The following GABRA5 variants were observed in gnomAD, a reference collection of about 807,000 sequenced individuals.
GABRA5 encodes gamma-aminobutyric acid type A receptor subunit alpha5, also known as gamma-aminobutyric acid receptor subunit alpha-5.
A neutral mutation model predicts 47.3 loss-of-function variants in GABRA5; 18 were observed. The observed-to-expected ratio is 0.38, with a 90% confidence interval of 0.26 to 0.56. The LOEUF is 0.56. Ranked by LOEUF, GABRA5 falls within the 20% of genes least tolerant of loss-of-function variation. The probability of loss-of-function intolerance (pLI) is 0.71; values close to 1 mark genes in which losing one functional copy is unlikely to be tolerated. For missense variants in GABRA5, 365 were observed against 599.3 expected (o/e 0.61, Z 4.08); for synonymous variants, 237 against 229.3 (o/e 1.03, Z -0.30).
intron 7 of GABRA5, among the ~76,000 whole-genome samples, chr15:26,922,456 T>G (rs1452992128): frequency 6.6e-6 from 1 of 152,158 alleles, no homozygotes; most frequent in African/African-American, 2.4e-5. Flanking sequence ...CCTCTATATA[T>G]CATTAGATAA....
intron 9 of GABRA5, 29 bp downstream of exon 9, chr15:26,940,106 C>T: frequency 6.3e-7 from 1 of 1,588,496 alleles, no homozygotes; most frequent in Non-Finnish European, 8.6e-7. Context: ...GGCCTGGACA[C>T]TGGTGTTTTG....
At position 26,935,292 on chromosome 15, in the gene GABRA5, T is replaced by TG. The variant is rs537728136; in HGVS notation, c.581-1892dup. ...GGTCATTTAATATTCACTAGTAGTT[T>TG]GAAAAACAAGATCACGTGAATTATG... On this transcript the variant is annotated intron_variant, in intron 7 of 10. Transcript: ENST00000335625. Among the ~76,000 whole-genome samples the TG allele has an allele frequency of 1.3e-3, 193 of 152,370 alleles. 1 individual carries two copies. Among genetic ancestry groups the TG allele is most frequent in the African/African-American group, 4.0e-3 (168 of 41,590 alleles).
At chr15:26,930,699 G>C (rs1894080417) in intron 7 of GABRA5, among the ~76,000 whole-genome samples, 1 of 152,036 alleles carries the variant, frequency 6.6e-6, no homozygotes, top group African/African-American at 2.4e-5. Context: ...GCCCTCACCA[G>C]AGTTGCTTTA....
chr15:26,938,511 C>T (rs1312392372), intron 8 of GABRA5, among the ~76,000 whole-genome samples: 3 of 152,126 alleles, frequency 2.0e-5, no homozygotes, highest in East Asian at 1.9e-4. Flanking sequence ...AAAAATAAAA[C>T]AAAATGAAAA....
At position 26,883,056 on chromosome 15, in the gene GABRA5, A is replaced by G; in HGVS notation, c.209-110A>G. On this transcript the variant is annotated intron_variant, in intron 4 of 10. Coordinates refer to ENST00000335625, the MANE Select transcript of GABRA5 (RefSeq NM_000810.4). This position sits in a 1 kb window ranked among gnomAD's most constrained non-coding sequence, Gnocchi z 4.8. Reference sequence around the variant, plus strand: ...CTCCAAATTTACCAAACGCACTGCAAAAGCCCCCGGTTGCAGAGGGTGACC... The same window carrying G: ...CTCCAAATTTACCAAACGCACTGCAGAAGCCCCCGGTTGCAGAGGGTGACC... 1 of 866,920 alleles carries G rather than the reference A, an allele frequency of 1.2e-6. No homozygotes were observed. The highest frequency in any genetic ancestry group is 2.0e-6 in the Non-Finnish European group (1 of 503,992). The allele number at this position is 866,920 out of a possible 1,614,324, so 53.7% of individuals were successfully genotyped here. A position where few individuals can be genotyped will look rare whatever the true frequency, so the allele number is the denominator to read the frequency against.
chr15:26,937,423 G>C lies in GABRA5; in HGVS notation c.724+95G>C, dbSNP rs569072408. 1.7e-5 allele frequency: 22 copies of C among 1,324,744 alleles called. No homozygotes were observed. The South Asian group carries it at 3.3e-4, about 20-fold the overall frequency. 82.1% of individuals were successfully genotyped at this position (1,324,744 alleles called of 1,614,324 possible). On this transcript the variant is annotated intron_variant, in intron 8 of 10. Coordinates refer to ENST00000335625, the MANE Select transcript of GABRA5 (RefSeq NM_000810.4). ...CCCAGCACCTCTCTGCAGGGGCCAC[G>C]TGGGAGGCCGCACAGCAGCCTCCCA...
In GABRA5 at chr15:26,937,338, C is replaced by T. The variant is rs767116452; in HGVS notation, c.724+10C>T. On this transcript the variant is annotated intron_variant, in intron 8 of 10. Transcript: ENST00000335625. Reference sequence around the variant, plus strand: ...ATCAGCACCAGCACAGGTGAGGGCTCGGCACGCGCTGTGCTGCCAGGCGCA... The same window carrying T: ...ATCAGCACCAGCACAGGTGAGGGCTTGGCACGCGCTGTGCTGCCAGGCGCA... 20 of 1,598,198 alleles carry T rather than the reference C, an allele frequency of 1.3e-5. No homozygotes were observed. The highest frequency in any genetic ancestry group is 4.5e-5 in the East Asian group (2 of 44,698).
Position 26,883,689 on chromosome 15 carries a change from G to A in GABRA5, c.497+132G>A. The A allele has an allele frequency of 1.4e-6, 1 of 728,476 alleles. No homozygotes were observed. Among genetic ancestry groups the A allele is most frequent in the Non-Finnish European group, 2.1e-6 (1 of 468,280 alleles). The allele number at this position is 728,476 out of a possible 1,614,324, so 45.1% of individuals were successfully genotyped here. On this transcript the variant is annotated intron_variant, in intron 6 of 10. Transcript: ENST00000335625. The surrounding 1 kb of genome is among the most constrained non-coding windows in gnomAD (Gnocchi z 4.8). The stretch of plus-strand genomic sequence containing the variant: ...TGAGACTGCGGCGCGTGTGTGCTGG[G>A]GGTTCCCCGTTGCCATCTGCCCACA...
rs1181506295 is a variant in GABRA5, at chr15:26,869,331, T to C, written c.83T>C (p.Phe28Ser). Residue 28 changes from phenylalanine to serine, a missense_variant, in exon 3 of 11, where the codon TTT (phenylalanine) becomes TCT (serine). Physicochemically the swap from Phe to Ser is radical, Grantham distance 155. Around this residue, in one of 3 missense-constraint regions of GABRA5, gnomAD observed 216 missense variants for 335.3 expected, o/e 0.64. Coordinates refer to ENST00000335625, the MANE Select transcript of GABRA5 (RefSeq NM_000810.4). ...FCISMNLSSHFGFSQMPTSSV... is the reference protein window; with the variant it reads ...FCISMNLSSHSGFSQMPTSSV... ...ATTTCCATGAACTTATCCAGTCACT[T>C]TGGGTAAGTTACCATCTGTGCTTTT... is the stretch of plus-strand genomic sequence containing the variant. The C allele has an allele frequency of 1.3e-6, 2 of 1,580,966 alleles. No homozygotes were observed. The highest frequency in any genetic ancestry group is 1.7e-5 in the Admixed American group (1 of 59,996).
At chr15:26,919,149 C>CAA (rs112662410) in intron 7 of GABRA5, among the ~76,000 whole-genome samples, 3 of 151,364 alleles carry the variant, frequency 2.0e-5, no homozygotes, top group East Asian at 1.9e-4. Context: ...TCTCAAGAAA[C>CAA]AAAACACACA....
At chr15:26,939,845 G>A in intron 8 of GABRA5, 80 bp from the exon 9 acceptor site, 1 of 1,451,922 alleles carries the variant, frequency 6.9e-7, no homozygotes, top group Non-Finnish European at 9.6e-7. Flanking sequence ...GGGAGTGGAA[G>A]GGAGGCTCCT....
At chr15:26,912,640 A>G (rs1893624227) in intron 6 of GABRA5, among the ~76,000 whole-genome samples, 2 of 152,232 alleles carry the variant, frequency 1.3e-5, no homozygotes, top group African/African-American at 4.8e-5. Flanking sequence ...ACACACGTAC[A>G]CATGGATGCT....
Position 26,883,576 on chromosome 15 carries a change from C to CGGGGGG in GABRA5, c.497+22_497+23insGGGGGG. Reference sequence around the variant, plus strand: ...CCATGCGGTGAGCGCCGGGCGGGGGCGGGCGGGGCCGGGGGACGGTGCGGG... The same window carrying CGGGGGG: ...CCATGCGGTGAGCGCCGGGCGGGGGCGGGGGGGGGCGGGGCCGGGGGACGGTGCGGG... On this transcript the variant is annotated intron_variant, in intron 6 of 10. Transcript: ENST00000335625. The surrounding 1 kb of genome is among the most constrained non-coding windows in gnomAD (Gnocchi z 4.8). 2 of 495,474 alleles carry CGGGGGG rather than the reference C, an allele frequency of 4.0e-6. No homozygotes were observed. Among genetic ancestry groups the CGGGGGG allele is most frequent in the Non-Finnish European group, 7.5e-6 (2 of 266,052 alleles). The allele number at this position is 495,474 out of a possible 1,614,324, so 30.7% of individuals were successfully genotyped here.
Position 26,943,295 on chromosome 15 carries a change from A to T in GABRA5, c.958A>T (p.Met320Leu). 1 of 1,580,228 alleles carries T rather than the reference A, an allele frequency of 6.3e-7. No homozygotes were observed. The highest frequency in any genetic ancestry group is 2.3e-5 in the East Asian group (1 of 42,844). The change falls in exon 10 of 11, where the codon ATG becomes TTG. Residue 320 changes from methionine to leucine, a missense_variant. This residue lies in a region of GABRA5 where 43 missense variants were observed against 133.7 expected (regional missense o/e 0.32). Coordinates refer to ENST00000335625, the MANE Select transcript of GABRA5 (RefSeq NM_000810.4). ...GCCCAAAGTGGCCTACGCCACCGCC[A>T]TGGACTGGTTCATAGCCGTGTGCTA... ...SLPKVAYATAMDWFIAVCYAF... is the reference protein window; with the variant it reads ...SLPKVAYATALDWFIAVCYAF...
In GABRA5 at chr15:26,910,597, C is replaced by CAA. The variant is rs34894641; in HGVS notation, c.498-4191_498-4190dup. On this transcript the variant is annotated intron_variant, in intron 6 of 10. Coordinates refer to ENST00000335625, the MANE Select transcript of GABRA5 (RefSeq NM_000810.4). ...CCTGGGTGACAGAACGAGACTCCAT[C>CAA]AAAAAAAAAAAAAAAATCCCATTTC... is the stretch of plus-strand genomic sequence containing the variant. Among the ~76,000 whole-genome samples the CAA allele has an allele frequency of 3.0e-4, 44 of 146,644 alleles. 1 individual carries two copies. The highest frequency in any genetic ancestry group is 1.2e-3 in the East Asian group (6 of 4,920).
chr15:26,932,029 T>C (rs1245644699), intron 7 of GABRA5, among the ~76,000 whole-genome samples: 3 of 152,180 alleles, frequency 2.0e-5, no homozygotes, highest in African/African-American at 7.2e-5. Context: ...GAAGAAAATA[T>C]AGGCAATGCT....
chr15:26,945,860 C>A (rs1894498475), intron 10 of GABRA5, among the ~76,000 whole-genome samples: 2 of 151,584 alleles, frequency 1.3e-5, no homozygotes, highest in South Asian at 4.2e-4. Context: ...AAAACGCACA[C>A]CCTCAGGACA....
At chr15:26,912,921 G>A (rs61999577) in intron 6 of GABRA5, among the ~76,000 whole-genome samples, 52,799 of 151,958 alleles carry the variant, frequency 0.35, 9,338 homozygotes, top group South Asian at 0.4. Context: ...AGTGGCTCAC[G>A]CCTGTAATCC....
At chr15:26,893,338 TG>T (rs1893071433) in intron 6 of GABRA5, among the ~76,000 whole-genome samples, 1 of 2,006 alleles carries the variant, frequency 5.0e-4, no homozygotes, top group Non-Finnish European at 8.8e-4. Context: ...TGTGTGTCTA[TG>T]GAGTGTCGTG....
Sources: allele counts gnomAD v4.1 joint callset (sites outside exome capture counted in the v4.1 genomes callset), GRCh38; gene constraint gnomAD v4.1.1; regional missense constraint gnomAD v4.1.1; non-coding constraint Gnocchi (gnomAD v3.1); transcripts MANE v1.5; gene names NCBI Gene and HGNC (gene_info 2026-07-23, HGNC 2026-07-21).